COMMD1: variants seen among roughly 807,000 people sequenced by gnomAD.
The protein encoded by COMMD1 is COMM domain-containing protein 1.
A neutral mutation model predicts 17.2 loss-of-function variants in COMMD1; 10 were observed. The ratio of observed to expected loss-of-function variants is 0.58; its 90% CI spans 0.36 to 0.99. COMMD1 has a LOEUF of 0.99. Ranked by LOEUF, COMMD1 falls within the 50% of genes least tolerant of loss-of-function variation. The probability of loss-of-function intolerance (pLI) is 0.01; values close to 1 mark genes in which losing one functional copy is unlikely to be tolerated. For synonymous variants in COMMD1, 97 were observed against 91.6 expected (o/e 1.06, Z -0.34); for missense variants, 270 against 231.8 (o/e 1.17, Z -1.07).
Position 62,135,889 on chromosome 2 carries a change from C to G in COMMD1, c.521C>G (p.Thr174Arg), listed in dbSNP as rs139775239. Residue 174 changes from threonine to arginine, a missense_variant, in exon 3 of 3, where the codon ACG (threonine) becomes AGG (arginine). Coordinates refer to ENST00000311832, the MANE Select transcript of COMMD1 (RefSeq NM_152516.4). ...DEVKVNQILK[T>R]LSEVEESIST... ...GTCAAAGTCAACCAAATTCTGAAGA[C>G]GCTGTCAGAGGTAGAAGAAAGTATC... 2 of 1,605,272 alleles carry G rather than the reference C, an allele frequency of 1.2e-6. No individual in the cohort carries two copies. The highest frequency in any genetic ancestry group is 4.5e-5 in the East Asian group (2 of 44,826).
chr2:61,971,039 G>C (rs1573015615), intron 1 of COMMD1, among the ~76,000 whole-genome samples: 1 of 152,180 alleles, frequency 6.6e-6, no homozygotes, highest in East Asian at 1.9e-4. Flanking sequence ...CTCCGGAGTA[G>C]CTGGGACTAC....
At position 62,121,305 on chromosome 2, in the gene COMMD1, G is replaced by A. The variant is rs972604443; in HGVS notation, c.463-14526G>A. Reference sequence around the variant, plus strand: ...GAATCACCTGAACCTGGGAGGTGGAGGTTGTAGTCAGCCAAGATCATGCCA... The same window carrying A: ...GAATCACCTGAACCTGGGAGGTGGAAGTTGTAGTCAGCCAAGATCATGCCA... On this transcript the variant is annotated intron_variant, in intron 2 of 2. Transcript: ENST00000311832. 2.1e-5 allele frequency among the ~76,000 whole-genome samples: 3 copies of A among 139,540 alleles called. No individual in the cohort carries two copies. The Admixed American group carries it at 2.3e-4, about 11-fold the overall frequency. 91.5% of individuals were successfully genotyped at this position (139,540 alleles called of 152,430 possible).
rs114272737 is a variant in COMMD1, at chr2:62,108,956, G to C, written c.463-26875G>C. 4.7e-3 allele frequency among the ~76,000 whole-genome samples: 723 copies of C among 152,274 alleles called. 4 individuals are homozygous for C. The highest frequency in any genetic ancestry group is 0.016 in the African/African-American group (676 of 41,536). ...GAGCTGAGAAGTTATTATCCCTTTAGATGATACTGTACTCAGCACTTCAGT... is the reference window on the plus strand; with the variant it reads ...GAGCTGAGAAGTTATTATCCCTTTACATGATACTGTACTCAGCACTTCAGT... On this transcript the variant is annotated intron_variant, in intron 2 of 2. Coordinates refer to ENST00000311832, the MANE Select transcript of COMMD1 (RefSeq NM_152516.4).
At chr2:61,953,551 G>A (rs138267099) in intron 1 of COMMD1, among the ~76,000 whole-genome samples, 4,572 of 151,770 alleles carry the variant, frequency 0.03, 111 homozygotes, top group East Asian at 0.089. Flanking sequence ...TTGTATTTTA[G>A]TAGAGACAGG....
At chr2:62,100,486 C>T (rs530010315) in intron 2 of COMMD1, 4 of 152,112 alleles carry the variant, frequency 2.6e-5, no homozygotes, top group Middle Eastern at 3.4e-3. Flanking sequence ...TATGAGACTT[C>T]GATCAAATAC....
At chr2:62,050,221 C>G (rs1466614279) in intron 2 of COMMD1, among the ~76,000 whole-genome samples, 1 of 152,106 alleles carries the variant, frequency 6.6e-6, no homozygotes, top group African/African-American at 2.4e-5. Flanking sequence ...AATAAGTATG[C>G]TTTAAGTATC....
At chr2:61,921,646 T>C (rs1231195724) in intron 1 of COMMD1, among the ~76,000 whole-genome samples, 1 of 152,158 alleles carries the variant, frequency 6.6e-6, no homozygotes, top group Non-Finnish European at 1.5e-5. Context: ...GGTTTCACCG[T>C]GTTAGCCAGG....
intron 2 of COMMD1, among the ~76,000 whole-genome samples, chr2:62,132,358 C>T (rs899841723): frequency 1.3e-5 from 2 of 152,200 alleles, no homozygotes; most frequent in African/African-American, 4.8e-5. Context: ...TACTCAGTTG[C>T]TCCTATCTCT....
At chr2:62,113,181 C>T (rs1385725211) in intron 2 of COMMD1, among the ~76,000 whole-genome samples, 1 of 148,052 alleles carries the variant, frequency 6.8e-6, no homozygotes, top group Non-Finnish European at 1.5e-5. Flanking sequence ...TCCATCACTA[C>T]AAAAAAATTA....
chr2:62,027,002 C>T (rs558638918), intron 2 of COMMD1, among the ~76,000 whole-genome samples: 2 of 151,172 alleles, frequency 1.3e-5, no homozygotes, highest in East Asian at 3.9e-4. Context: ...ATTTTGATAC[C>T]ACCTGGTTTT....
chr2:62,080,120 A>T (rs963973725), intron 2 of COMMD1, among the ~76,000 whole-genome samples: 1 of 152,144 alleles, frequency 6.6e-6, no homozygotes, highest in Non-Finnish European at 1.5e-5. Flanking sequence ...TATAAACAAT[A>T]TGCTTCCGAA....
chr2:61,990,796 T>C lies in COMMD1; in HGVS notation c.181-9905T>C, dbSNP rs115792483. Among the ~76,000 whole-genome samples the C allele has an allele frequency of 3.5e-3, 534 of 151,352 alleles. 2 individuals are homozygous for C. The highest frequency in any genetic ancestry group is 0.012 in the African/African-American group (499 of 41,256). On this transcript the variant is annotated intron_variant, in intron 1 of 2. Coordinates refer to ENST00000311832, the MANE Select transcript of COMMD1 (RefSeq NM_152516.4). ...TCAGTTATCTCCTGGTGGGTCCCTC[T>C]CACAACATATGGGAATTATGGGAGC...
intron 1 of COMMD1, among the ~76,000 whole-genome samples, chr2:61,997,793 C>G (rs1210707677): frequency 6.6e-6 from 1 of 152,164 alleles, no homozygotes; most frequent in Non-Finnish European, 1.5e-5. Context: ...AGAGAGTCAG[C>G]CTGTCCTTTG....
At chr2:61,905,370 T>C (rs893805746), upstream of COMMD1, among the ~76,000 whole-genome samples, 4 of 152,226 alleles carry the variant, frequency 2.6e-5, no homozygotes, top group African/African-American at 7.2e-5. Flanking sequence ...GCCAAACTTA[T>C]AGGCTGCTAC....
chr2:61,971,848 C>T (rs956759920), intron 1 of COMMD1, among the ~76,000 whole-genome samples: 3 of 151,906 alleles, frequency 2.0e-5, no homozygotes, highest in Admixed American at 6.6e-5. Flanking sequence ...AGGCCAGGAG[C>T]GGTGGCTCAT....
At chr2:62,063,761 A>ATTATAT (rs1305423653) in intron 2 of COMMD1, among the ~76,000 whole-genome samples, 2 of 150,804 alleles carry the variant, frequency 1.3e-5, no homozygotes, top group Admixed American at 1.3e-4. Flanking sequence ...CAATATAGTG[A>ATTATAT]TTATATTTTC....
chr2:62,068,677 T>C (rs886096687), intron 2 of COMMD1, among the ~76,000 whole-genome samples: 1 of 143,554 alleles, frequency 7.0e-6, no homozygotes, highest in Non-Finnish European at 1.5e-5. Flanking sequence ...CAAGCTGGAG[T>C]GCAGTGGCGC....
At chr2:62,037,306 G>GTAGAAT (rs1428423533) in intron 2 of COMMD1, among the ~76,000 whole-genome samples, 1 of 152,118 alleles carries the variant, frequency 6.6e-6, no homozygotes, top group East Asian at 1.9e-4. Flanking sequence ...AATAGCTTAG[G>GTAGAAT]TAGAATTATA....
At chr2:61,968,779 A>G (rs1671570028) in intron 1 of COMMD1, among the ~76,000 whole-genome samples, 1 of 151,910 alleles carries the variant, frequency 6.6e-6, no homozygotes. Context: ...GCTGGTTTCA[A>G]ATTCCTGAGC....
Sources: gnomAD v4.1 joint callset for allele counts (sites outside exome capture counted in the v4.1 genomes callset) on GRCh38, gnomAD v4.1.1 for gene constraint, MANE v1.5 for transcripts, NCBI Gene and HGNC (gene_info 2026-07-23, HGNC 2026-07-21) for gene names.